The following GAB2 variants were observed in gnomAD, a reference collection of about 807,000 sequenced individuals.
The protein encoded by GAB2 is GRB2 associated binding protein 2.
In GAB2, 26 loss-of-function variants were observed where a neutral mutation model predicts 65.5. That is an observed-to-expected ratio of 0.40 (90% CI 0.29 to 0.55). The LOEUF is 0.55. Among genes scored for constraint, GAB2 ranks in the 20% least tolerant of loss-of-function variants. GAB2 has a pLI of 0.53. For missense variants in GAB2, 884 were observed against 875.8 expected (o/e 1.01, Z -0.12); for synonymous variants, 321 against 329.6 (o/e 0.97, Z 0.28).
chr11:78,347,357 C>T (rs1484605850), intron 1 of GAB2, among the ~76,000 whole-genome samples: 7 of 152,036 alleles, frequency 4.6e-5, no homozygotes, highest in Non-Finnish European at 7.4e-5. Context: ...TACAGCTGGG[C>T]GTTTTTATAT....
At chr11:78,247,399 A>G (rs1016683685) in intron 3 of GAB2, among the ~76,000 whole-genome samples, 4 of 152,108 alleles carry the variant, frequency 2.6e-5, no homozygotes, top group African/African-American at 9.7e-5. Flanking sequence ...CTCTTCACCT[A>G]TTATATCCTT....
At chr11:78,227,973 G>A (rs922120185) in intron 3 of GAB2, among the ~76,000 whole-genome samples, 1 of 152,260 alleles carries the variant, frequency 6.6e-6, no homozygotes, top group South Asian at 2.1e-4. Flanking sequence ...ACTATATATA[G>A]AAAAAGTTTT....
At chr11:78,353,105 G>GT (rs1318221969) in intron 1 of GAB2, among the ~76,000 whole-genome samples, 2 of 152,118 alleles carry the variant, frequency 1.3e-5, no homozygotes, top group Non-Finnish European at 1.5e-5. Flanking sequence ...TGTTACACGT[G>GT]TATCTTCTCC....
intron 1 of GAB2, among the ~76,000 whole-genome samples, chr11:78,288,174 G>A (rs1240873693): frequency 3.3e-5 from 5 of 151,066 alleles, no homozygotes; most frequent in Non-Finnish European, 7.4e-5. Flanking sequence ...GAGGTCAGGA[G>A]TTCAAGACCA....
In GAB2 at chr11:78,223,525, T is replaced by A; in HGVS notation, c.1454A>T (p.His485Leu). The A allele has an allele frequency of 1.2e-6, 2 of 1,613,162 alleles. No homozygotes were observed. Among genetic ancestry groups the A allele is most frequent in the Admixed American group, 1.7e-5 (1 of 59,858 alleles). The change falls in exon 6 of 10, where the codon CAC (histidine) becomes CTC (leucine). Residue 485 changes from histidine to leucine, a missense_variant. His to Leu is a moderately conservative substitution (Grantham distance 99, BLOSUM62 -3). Transcript: ENST00000361507. ...TGATGGGTAGCCAAGTGAGTCAAAG[T>A]GATGGGCCCCTGGGCTCATTGGGAT... The part of the protein sequence containing the change: ...VYIPMSPGAH[H>L]FDSLGYPSTT...
intron 2 of GAB2, among the ~76,000 whole-genome samples, chr11:78,272,103 T>C (rs1866029664): frequency 6.6e-6 from 1 of 152,110 alleles, no homozygotes; most frequent in African/African-American, 2.4e-5. Context: ...CTCTCTCTCT[T>C]TTATTTTTTG....
intron 6 of GAB2, among the ~76,000 whole-genome samples, chr11:78,222,424 A>C (rs1443708935): frequency 6.6e-6 from 1 of 151,814 alleles, no homozygotes; most frequent in African/African-American, 2.4e-5. Flanking sequence ...ATCTATGGTA[A>C]TTATATTTTC....
At chr11:78,396,848 C>CA (rs1445466253) in intron 1 of GAB2, among the ~76,000 whole-genome samples, 3 of 152,188 alleles carry the variant, frequency 2.0e-5, no homozygotes, top group Non-Finnish European at 4.4e-5. Flanking sequence ...CCACCCACCT[C>CA]AGCCTCCCAA....
intron 1 of GAB2, among the ~76,000 whole-genome samples, chr11:78,385,376 G>C (rs1197380512): frequency 1.3e-5 from 2 of 152,206 alleles, no homozygotes; most frequent in Non-Finnish European, 2.9e-5. Flanking sequence ...ACACTGAAGA[G>C]AAACTCTATA....
At chr11:78,310,189 C>A (rs1023734165) in intron 1 of GAB2, among the ~76,000 whole-genome samples, 1 of 151,822 alleles carries the variant, frequency 6.6e-6, no homozygotes, top group Non-Finnish European at 1.5e-5. Context: ...GGCAGAATTC[C>A]TATTATTTCT....
chr11:78,383,673 G>A (rs1856727899), intron 1 of GAB2, among the ~76,000 whole-genome samples: 1 of 151,884 alleles, frequency 6.6e-6, no homozygotes, highest in Non-Finnish European at 1.5e-5. Context: ...TGGGAGGATG[G>A]CTTCAGCCCA....
chr11:78,252,532 C>G (rs1865484240), intron 2 of GAB2, among the ~76,000 whole-genome samples: 1 of 152,156 alleles, frequency 6.6e-6, no homozygotes, highest in African/African-American at 2.4e-5. Flanking sequence ...TCTGTATTCT[C>G]TGTTGTCTCG....
intron 1 of GAB2, among the ~76,000 whole-genome samples, chr11:78,282,605 G>A (rs1866366263): frequency 6.6e-6 from 1 of 152,084 alleles, no homozygotes; most frequent in Admixed American, 6.5e-5. Flanking sequence ...CACTGTGTAC[G>A]CCCGGCACTG....
chr11:78,217,520 A>T lies in GAB2; in HGVS notation c.*1752T>A, dbSNP rs1237835774. ...GCAGAGGACAGTGGTAGCTGTCCCC[A>T]TCAAACATGGCAGGAAGTCATTGTT... On this transcript the variant is annotated 3_prime_UTR_variant, in exon 10 of 10. Transcript: ENST00000361507. The T allele has an allele frequency of 6.6e-6, 1 of 152,294 alleles. No individual in the cohort carries two copies. Among genetic ancestry groups the T allele is most frequent in the African/African-American group, 2.4e-5 (1 of 41,458 alleles). 9.4% of individuals were successfully genotyped at this position (152,294 alleles called of 1,614,324 possible).
At position 78,226,488 on chromosome 11, in the gene GAB2, A is replaced by C. The variant is rs751531584; in HGVS notation, c.1184T>G (p.Met395Arg). ...ACCTCGGTGAAGTCGGCTGTTGTCCATTGCAGGGAGGGTGTTGCGTCTGGG... is the reference window on the plus strand; with the variant it reads ...ACCTCGGTGAAGTCGGCTGTTGTCCCTTGCAGGGAGGGTGTTGCGTCTGGG... ...TIPRRNTLPA[M>R]DNSRLHRASS... The change falls in exon 4 of 10, where the codon ATG becomes AGG. Residue 395 changes from methionine (M) to arginine (R), a missense_variant. Transcript: ENST00000361507. 6.2e-7 allele frequency: 1 copy of C among 1,613,364 alleles called. No individual in the cohort carries two copies. Among genetic ancestry groups the C allele is most frequent in the Admixed American group, 1.7e-5 (1 of 59,856 alleles).
At chr11:78,281,806 T>G (rs921849310) in intron 1 of GAB2, among the ~76,000 whole-genome samples, 1 of 152,216 alleles carries the variant, frequency 6.6e-6, no homozygotes, top group Non-Finnish European at 1.5e-5. Flanking sequence ...TAGGCTAGAA[T>G]ACAGATCCAA....
chr11:78,327,704 G>GC (rs988817414), intron 1 of GAB2, among the ~76,000 whole-genome samples: 91 of 152,120 alleles, frequency 6.0e-4, no homozygotes, highest in African/African-American at 2.1e-3. Flanking sequence ...ACAATGGTGA[G>GC]CCCCCCAAAT....
intron 1 of GAB2, among the ~76,000 whole-genome samples, chr11:78,306,089 T>C (rs1406692322): frequency 6.6e-6 from 1 of 152,198 alleles, no homozygotes; most frequent in Non-Finnish European, 1.5e-5. Flanking sequence ...GCCCTATACC[T>C]AGAAATTTAA....
chr11:78,225,727 G>A (rs1565113947), intron 4 of GAB2, among the ~76,000 whole-genome samples: 1 of 152,164 alleles, frequency 6.6e-6, no homozygotes, highest in Non-Finnish European at 1.5e-5. Context: ...CTCATCTCTG[G>A]CACAATGACT....
Sources: gnomAD v4.1 joint callset for allele counts (sites outside exome capture counted in the v4.1 genomes callset) on GRCh38, gnomAD v4.1.1 for gene constraint, MANE v1.5 for transcripts, NCBI Gene and HGNC (gene_info 2026-07-23, HGNC 2026-07-21) for gene names.